Variants in NOC2L observed in about 807,000 individuals in gnomAD.
NOC2L encodes nucleolar complex protein 2 homolog.
NOC2L carries 101 observed loss-of-function variants against 94.2 expected under a neutral mutation model. The observed-to-expected ratio is 1.07, with a 90% CI of 0.91 to 1.26. The LOEUF (loss-of-function observed/expected upper bound fraction) is 1.26. NOC2L is among the 50% of genes most tolerant of loss of function. The pLI, the probability that NOC2L is intolerant of heterozygous loss-of-function variation, is 0.00. For missense variants in NOC2L, 1,076 were observed against 980.1 expected (o/e 1.10, Z -1.31); for synonymous variants, 531 against 413.4 (o/e 1.28, Z -3.45).
chr1:949,538 G>A (rs894438050), intron 12 of NOC2L, among the ~76,000 whole-genome samples: 2 of 152,208 alleles, frequency 1.3e-5, no homozygotes, highest in African/African-American at 4.8e-5. Flanking sequence ...TGCTTTTTCC[G>A]GAGAGGAGAG....
chr1:951,919 GC>G (rs1438580204), intron 11 of NOC2L, 80 bp downstream of exon 11: 1 of 1,498,826 alleles, frequency 6.7e-7, no homozygotes, highest in Non-Finnish European at 9.0e-7. Flanking sequence ...GGCCCTGAAC[GC>G]CAGAGGCACC....
chr1:956,880 T>A lies in NOC2L; in HGVS notation c.486+14A>T. On this transcript the variant is annotated intron_variant, in intron 4 of 18. Transcript: ENST00000327044. ...GCCTGGGCACCCAGCTGCCCGCCCC[T>A]GGCTGCTGCTCACCTTTGCTGCCTG... 1 of 1,613,012 alleles carries A rather than the reference T, an allele frequency of 6.2e-7. No individual in the cohort carries two copies. The highest frequency in any genetic ancestry group is 2.2e-5 in the East Asian group (1 of 44,888).
chr1:944,803 G>A lies in NOC2L; in HGVS notation c.2144-3C>T, dbSNP rs1642043509. ...CGCCTCTGCGTCTGGGTCTCCATCT[G>A]CGGGGAGAGATGGAGGCTACATAAA... On this transcript the variant is annotated splice_polypyrimidine_tract_variant and splice_region_variant and intron_variant, in intron 18 of 18. Transcript: ENST00000327044. 1.3e-6 allele frequency: 2 copies of A among 1,559,634 alleles called. No individual in the cohort carries two copies. The highest frequency in any genetic ancestry group is 1.7e-6 in the Non-Finnish European group (2 of 1,148,750).
chr1:953,447 G>A (rs1642311805), intron 8 of NOC2L, among the ~76,000 whole-genome samples, 159 bp from the exon 9 acceptor site: 1 of 152,252 alleles, frequency 6.6e-6, no homozygotes, highest in Admixed American at 6.5e-5. Context: ...AGTTACAGAA[G>A]TGAACAGAAC....
At chr1:948,697 C>T (rs1231771974) in intron 12 of NOC2L, 94 bp from the exon 13 acceptor site, 1 of 1,107,772 alleles carries the variant, frequency 9.0e-7, no homozygotes, top group Non-Finnish European at 1.4e-6. Flanking sequence ...TCCCTTTGGC[C>T]CTGCACCTGG....
chr1:949,859 T>C (rs115419643), intron 12 of NOC2L, among the ~76,000 whole-genome samples: 160 of 152,282 alleles, frequency 1.1e-3, no homozygotes, highest in African/African-American at 3.7e-3. Flanking sequence ...GGGGCTTCCA[T>C]ACCTTCTGGA....
At position 944,297 on chromosome 1, in the gene NOC2L, G is replaced by A. The variant is rs1433814265; in HGVS notation, c.*397C>T. Reference sequence around the variant, plus strand: ...AAGAAAATGTGACTTCAAAGGAAAGGAACAAATTTTCAAAGACTTGGGGGA... The same window carrying A: ...AAGAAAATGTGACTTCAAAGGAAAGAAACAAATTTTCAAAGACTTGGGGGA... On this transcript the variant is annotated 3_prime_UTR_variant, in exon 19 of 19. Transcript: ENST00000327044. 5.0e-6 allele frequency: 7 copies of A among 1,399,238 alleles called. No homozygotes were observed. The highest frequency in any genetic ancestry group is 5.4e-5 in the East Asian group (2 of 36,956). The allele number at this position is 1,399,238 out of a possible 1,614,324, so 86.7% of individuals were successfully genotyped here. A position where few individuals can be genotyped will look rare whatever the true frequency, so the allele number is the denominator to read the frequency against.
chr1:957,437 C>G lies in NOC2L; in HGVS notation c.180-164G>C, dbSNP rs926287649. The G allele has an allele frequency of 2.0e-5, 13 of 643,858 alleles. No individual in the cohort carries two copies. In the African/African-American group the frequency reaches 2.4e-4, roughly 12 times the overall value. The allele number at this position is 643,858 out of a possible 1,614,324, so 39.9% of individuals were successfully genotyped here. A position where few individuals can be genotyped will look rare whatever the true frequency, so the allele number is the denominator to read the frequency against. On this transcript the variant is annotated intron_variant, in intron 2 of 18. Transcript: ENST00000327044. ...ACTCACGTCTCCTACCCAACAACCTCTACAACATACCCTCAAACACACTAC... is the reference window on the plus strand; with the variant it reads ...ACTCACGTCTCCTACCCAACAACCTGTACAACATACCCTCAAACACACTAC...
At chr1:959,141 G>C in intron 1 of NOC2L, 60 bp from the exon 2 acceptor site, 2 of 1,612,040 alleles carry the variant, frequency 1.2e-6, no homozygotes, top group African/African-American at 1.3e-5. Context: ...GCCCCGCTGA[G>C]AGGAGCAAGA....
intron 2 of NOC2L, chr1:958,013 T>C (rs952592049): frequency 6.6e-6 from 1 of 152,420 alleles, no homozygotes. Context: ...GTGGCCTCCT[T>C]GTTCGAGGTC....
At chr1:955,886 C>T (rs1429358899) in intron 6 of NOC2L, 37 bp downstream of exon 6, 3 of 1,551,828 alleles carry the variant, frequency 1.9e-6, no homozygotes, top group Admixed American at 3.4e-5. Flanking sequence ...CCCGACCCAC[C>T]TTCCACCCTA....
At chr1:952,640 C>A (rs1055509834) in intron 9 of NOC2L, 40 bp from the exon 10 acceptor site, 3 of 1,597,930 alleles carry the variant, frequency 1.9e-6, no homozygotes, top group Non-Finnish European at 2.6e-6. Context: ...GGGATCAGGG[C>A]CATGCACCTC....
chr1:945,603 C>G lies in NOC2L; in HGVS notation c.1968G>C (p.Arg656Ser). The change falls in exon 17 of 19, where the codon AGG becomes AGC. Residue 656 changes from arginine to serine, a missense_variant. Around this residue, in one of 3 missense-constraint regions of NOC2L, gnomAD observed 615 missense variants for 577.4 expected, o/e 1.07. Coordinates refer to ENST00000327044, the MANE Select transcript of NOC2L (RefSeq NM_015658.4). ...PEIKRRKMAD[R>S]KDEDRKQFKD... ...TAAATTGCTTCCTGTCCTCATCCTTCCTGTCAGCCATCTTCCTTCGTTTGA... is the reference window on the plus strand; with the variant it reads ...TAAATTGCTTCCTGTCCTCATCCTTGCTGTCAGCCATCTTCCTTCGTTTGA... 6.2e-7 allele frequency: 1 copy of G among 1,614,208 alleles called. No individual in the cohort carries two copies. The highest frequency in any genetic ancestry group is 2.2e-5 in the East Asian group (1 of 44,888).
At chr1:950,580 G>A (rs931937807) in intron 12 of NOC2L, among the ~76,000 whole-genome samples, 10 of 152,138 alleles carry the variant, frequency 6.6e-5, no homozygotes, top group African/African-American at 1.9e-4. Flanking sequence ...CACACGCACA[G>A]ATGCACACAC....
chr1:946,155 C>A lies in NOC2L; in HGVS notation c.1917+18G>T. On this transcript the variant is annotated intron_variant, in intron 16 of 18. Transcript: ENST00000327044. ...AGGAAGTCACAACACACCCCCAGGT[C>A]CCCTCGCCGAGCCGCACCCGCTCTT... 2 of 1,567,820 alleles carry A rather than the reference C, an allele frequency of 1.3e-6. No homozygotes were observed. The highest frequency in any genetic ancestry group is 1.1e-5 in the South Asian group (1 of 88,200).
In NOC2L at chr1:959,222, G is replaced by T. The variant is rs147719505; in HGVS notation, c.19C>A (p.Arg7Ser). 2.5e-6 allele frequency: 4 copies of T among 1,607,892 alleles called. No homozygotes were observed. The highest frequency in any genetic ancestry group is 2.5e-6 in the Non-Finnish European group (3 of 1,178,002). Reference protein sequence around the residue: MAAAGSRKRRLAELTVD... With the variant: MAAAGSSKRRLAELTVD... ...CTCGGACCCGCGGCTTACCTCTTGC[G>T]GCTCCCCGCAGCTGCCATGACACCA... is the stretch of plus-strand genomic sequence containing the variant. The change falls in exon 1 of 19, where the codon CGC becomes AGC. Residue 7 changes from arginine to serine, a missense_variant. Arg to Ser is a moderately radical substitution (Grantham distance 110). This residue lies in a region of NOC2L where 457 missense variants were observed against 386.0 expected (regional missense o/e 1.18). Coordinates refer to ENST00000327044, the MANE Select transcript of NOC2L (RefSeq NM_015658.4).
intron 14 of NOC2L, among the ~76,000 whole-genome samples, chr1:947,711 G>A (rs61769752): frequency 0.025 from 3,802 of 152,326 alleles, 65 homozygotes; most frequent in Non-Finnish European, 0.036. Flanking sequence ...TGAGGCTGAT[G>A]TGGGGTATTT....
At chr1:958,544 A>G (rs112274504) in intron 2 of NOC2L, 3 of 408,066 alleles carry the variant, frequency 7.4e-6, no homozygotes, top group Non-Finnish European at 1.5e-5. Flanking sequence ...GCCACCGAGC[A>G]CAGCCTCCGC....
intron 18 of NOC2L, 49 bp from the exon 19 acceptor site, chr1:944,849 G>A (rs747240490): frequency 1.9e-5 from 27 of 1,388,762 alleles, no homozygotes; most frequent in Non-Finnish European, 2.4e-5. Flanking sequence ...TCAGGAAGAA[G>A]CCAGCCTTAG....
Sources: gnomAD v4.1 joint callset for allele counts (sites outside exome capture counted in the v4.1 genomes callset) on GRCh38, gnomAD v4.1.1 for gene constraint, gnomAD v4.1.1 regional missense constraint, MANE v1.5 for transcripts, NCBI Gene and HGNC (gene_info 2026-07-23, HGNC 2026-07-21) for gene names.